Variants in CTNNA3 observed in about 807,000 individuals in gnomAD.
CTNNA3 encodes catenin alpha 3.
Under a neutral mutation model 95.7 loss-of-function variants are expected in CTNNA3, and 76 were observed. The observed-to-expected ratio is 0.79, with a 90% confidence interval of 0.66 to 0.96. CTNNA3 has a LOEUF of 0.96. Among genes scored for constraint, CTNNA3 ranks in the 40% least tolerant of loss-of-function variants. The pLI is 0.00. For missense variants in CTNNA3, 1,191 were observed against 1,089.8 expected (o/e 1.09, Z -1.31); for synonymous variants, 431 against 374.4 (o/e 1.15, Z -1.74).
At chr10:66,952,533 GTAT>G (rs1265572204) in intron 7 of CTNNA3, among the ~76,000 whole-genome samples, 13 of 151,800 alleles carry the variant, frequency 8.6e-5, no homozygotes, top group Non-Finnish European at 1.6e-4. Flanking sequence ...AATTGTGTGT[GTAT>G]TTATGTGTGT....
At chr10:66,403,040 T>C (rs1441580810) in intron 11 of CTNNA3, among the ~76,000 whole-genome samples, 1 of 152,194 alleles carries the variant, frequency 6.6e-6, no homozygotes, top group Admixed American at 6.5e-5. Flanking sequence ...CAGAAAATCG[T>C]TGAATCTACC....
At chr10:67,536,282 T>G (rs1223133716) in intron 4 of CTNNA3, among the ~76,000 whole-genome samples, 1 of 152,128 alleles carries the variant, frequency 6.6e-6, no homozygotes, top group Non-Finnish European at 1.5e-5. Flanking sequence ...CTTGATTCTG[T>G]GTTGCTCCAG....
intron 7 of CTNNA3, among the ~76,000 whole-genome samples, chr10:66,777,935 CAGA>C (rs1335146585): frequency 6.6e-6 from 1 of 152,106 alleles, no homozygotes; most frequent in African/African-American, 2.4e-5. Context: ...GAGCTAGCAG[CAGA>C]AGCATACCAA....
Position 66,048,770 on chromosome 10 carries a change from A to C in CTNNA3, c.2159+20538T>G, listed in dbSNP as rs182552065. Among the ~76,000 whole-genome samples the C allele has an allele frequency of 8.2e-4, 125 of 152,248 alleles. No individual in the cohort carries two copies. In the Middle Eastern group the frequency reaches 0.01, roughly 12 times the overall value. On this transcript the variant is annotated intron_variant, in intron 15 of 17. Coordinates refer to ENST00000433211, the MANE Select transcript of CTNNA3 (RefSeq NM_013266.4). ...AGCGAGACTCCATCTCAAAAAAAAC[A>C]GAAAACAAAAATCAACTCAAGATGG... is the stretch of plus-strand genomic sequence containing the variant.
intron 14 of CTNNA3, among the ~76,000 whole-genome samples, chr10:66,072,764 C>T (rs78072047): frequency 0.022 from 3,310 of 152,166 alleles, 110 homozygotes; most frequent in African/African-American, 0.076. Context: ...CTGCCAAACG[C>T]GCATCTCCCA....
chr10:65,996,532 C>A (rs1433495127), intron 15 of CTNNA3, among the ~76,000 whole-genome samples: 1 of 152,120 alleles, frequency 6.6e-6, no homozygotes, highest in East Asian at 1.9e-4. Context: ...GTTTGGGCCA[C>A]ATTCTCATAA....
intron 9 of CTNNA3, among the ~76,000 whole-genome samples, chr10:66,655,574 A>G (rs1055934055): frequency 2.6e-5 from 4 of 152,198 alleles, no homozygotes; most frequent in Admixed American, 2.0e-4. Flanking sequence ...GGAAGAAAAC[A>G]TGGAATGAAT....
At chr10:67,356,636 T>C (rs1198946509) in intron 5 of CTNNA3, among the ~76,000 whole-genome samples, 1 of 151,912 alleles carries the variant, frequency 6.6e-6, no homozygotes, top group Non-Finnish European at 1.5e-5. Flanking sequence ...AGTTCCAAAA[T>C]ATTACTTCCC....
At chr10:66,023,221 T>C (rs546760468) in intron 15 of CTNNA3, among the ~76,000 whole-genome samples, 4 of 152,214 alleles carry the variant, frequency 2.6e-5, no homozygotes, top group Non-Finnish European at 4.4e-5. Flanking sequence ...CAAAGAATTA[T>C]AAAATAAATA....
chr10:67,202,756 AAAAAG>A (rs1236041600), intron 6 of CTNNA3, among the ~76,000 whole-genome samples: 2 of 152,092 alleles, frequency 1.3e-5, no homozygotes, highest in East Asian at 3.9e-4. Context: ...GTGGTAGAAA[AAAAAG>A]AAAACTGTAA....
intron 10 of CTNNA3, among the ~76,000 whole-genome samples, chr10:66,568,400 A>G (rs1842775743): frequency 6.6e-6 from 1 of 152,186 alleles, no homozygotes; most frequent in African/African-American, 2.4e-5. Context: ...AAATAAGGCA[A>G]TTTCAATGTA....
At chr10:66,432,847 GC>G (rs1263029062) in intron 11 of CTNNA3, among the ~76,000 whole-genome samples, 1 of 151,968 alleles carries the variant, frequency 6.6e-6, no homozygotes, top group East Asian at 1.9e-4. Context: ...CTTTCCCTGT[GC>G]CCATATGTTC....
At chr10:66,571,598 T>C (rs1304896119) in intron 10 of CTNNA3, among the ~76,000 whole-genome samples, 2 of 152,182 alleles carry the variant, frequency 1.3e-5, no homozygotes, top group Non-Finnish European at 2.9e-5. Context: ...ACCCTAAGTC[T>C]TTTGGGTTCA....
intron 7 of CTNNA3, among the ~76,000 whole-genome samples, chr10:67,057,971 A>G (rs1034688616): frequency 7.2e-5 from 11 of 152,152 alleles, no homozygotes; most frequent in African/African-American, 2.4e-4. Context: ...TTCCAGAATG[A>G]TAGGCAATCA....
chr10:65,993,420 G>T (rs921039304), intron 15 of CTNNA3, among the ~76,000 whole-genome samples: 2 of 152,124 alleles, frequency 1.3e-5, no homozygotes, highest in African/African-American at 4.8e-5. Flanking sequence ...ATATCTGGAT[G>T]ATTTCATATT....
intron 12 of CTNNA3, among the ~76,000 whole-genome samples, chr10:66,303,119 C>T (rs2091886745): frequency 6.6e-6 from 1 of 152,072 alleles, no homozygotes; most frequent in South Asian, 2.1e-4. Flanking sequence ...TAAAATGTTA[C>T]AAGCCTTATT....
At chr10:66,697,252 A>C (rs1847799216) in intron 9 of CTNNA3, among the ~76,000 whole-genome samples, 1 of 149,460 alleles carries the variant, frequency 6.7e-6, no homozygotes, top group African/African-American at 2.4e-5. Flanking sequence ...TATCAGATAT[A>C]TCTATATATA....
chr10:67,166,803 T>C (rs1419131217), intron 7 of CTNNA3, among the ~76,000 whole-genome samples: 1 of 152,158 alleles, frequency 6.6e-6, no homozygotes, highest in African/African-American at 2.4e-5. Flanking sequence ...CAAAACCTAA[T>C]GTTTAAAAAG....
chr10:66,978,552 A>AAATATATATAT lies in CTNNA3; in HGVS notation c.1047+201764_1047+201765insATATATATATT. Among the ~76,000 whole-genome samples, 26 of 37,878 alleles carry AAATATATATAT rather than the reference A, an allele frequency of 6.9e-4. No homozygotes were observed. The South Asian group carries it at 8.1e-3, about 12-fold the overall frequency. 24.8% of individuals were successfully genotyped at this position (37,878 alleles called of 152,430 possible). A position where few individuals can be genotyped will look rare whatever the true frequency, so the allele number is the denominator to read the frequency against. ...AAAAAAAAAAAAAAAAAAAAAAAAA[A>AAATATATATAT]ATATATATATATATATATAGTATGG... On this transcript the variant is annotated intron_variant, in intron 7 of 17. Transcript: ENST00000433211.
Sources: allele counts gnomAD v4.1 joint callset (sites outside exome capture counted in the v4.1 genomes callset), GRCh38; gene constraint gnomAD v4.1.1; transcripts MANE v1.5; gene names NCBI Gene and HGNC (gene_info 2026-07-23, HGNC 2026-07-21).